CR1: variants seen among roughly 807,000 people sequenced by gnomAD.
CR1 encodes the protein complement receptor type 1.
Under a neutral mutation model 187.3 loss-of-function variants are expected in CR1, and 116 were observed. The observed-to-expected ratio is 0.62, with a 90% CI of 0.53 to 0.72. The LOEUF is 0.72. CR1 is among the 30% of genes least tolerant of loss of function. CR1 has a pLI of 0.00. For missense variants in CR1, 1,731 were observed against 2,110.7 expected, an observed-to-expected ratio of 0.82 and a Z score of 3.52; for synonymous variants, 576 against 747.1, an observed-to-expected ratio of 0.77 and a Z score of 3.73.
chr1:207,601,169 A>G (rs1661593473), intron 35 of CR1, among the ~76,000 whole-genome samples: 1 of 152,090 alleles, frequency 6.6e-6, no homozygotes, highest in African/African-American at 2.4e-5. Context: ...AAACAAACAG[A>G]CTGGGTCAAT....
At chr1:207,505,392 G>A (rs1443458060) in intron 1 of CR1, among the ~76,000 whole-genome samples, 1 of 152,060 alleles carries the variant, frequency 6.6e-6, no homozygotes, top group Non-Finnish European at 1.5e-5. Flanking sequence ...TCAAACTCCT[G>A]ACCTCAAGTG....
Position 207,611,858 on chromosome 1 carries a change from C to T in CR1, c.6472+5C>T, listed in dbSNP as rs1417073889. 5 of 1,613,616 alleles carry T rather than the reference C, an allele frequency of 3.1e-6. No homozygotes were observed. Among genetic ancestry groups the T allele is most frequent in the Admixed American group, 1.7e-5 (1 of 60,002 alleles). On this transcript the variant is annotated splice_donor_5th_base_variant and intron_variant, in intron 38 of 46. Transcript: ENST00000367049. The stretch of plus-strand genomic sequence containing the variant: ...CTGAAGCCCCTAGATGTACAGGTGC[C>T]TTGACTCTCTGGCTTCCAGATTGCT...
rs146922261 is a variant in CR1, at chr1:207,576,422, C to T, written c.4537+742C>T. 1.4e-3 allele frequency among the ~76,000 whole-genome samples: 212 copies of T among 152,264 alleles called. 10 individuals are homozygous for T. In the East Asian group the frequency reaches 0.028, roughly 20 times the overall value. On this transcript the variant is annotated intron_variant, in intron 28 of 46. Transcript: ENST00000367049. ...AATCAGTATCCAGTTCTTTTTATTA[C>T]TTCTGAATCTGTAAGTATCATGTTT...
At chr1:207,602,670 C>A (rs1661638100) in intron 35 of CR1, among the ~76,000 whole-genome samples, 1 of 151,736 alleles carries the variant, frequency 6.6e-6, no homozygotes, top group Admixed American at 6.6e-5. Context: ...AAATGACAGC[C>A]CCCTGTATTT....
intron 27 of CR1, among the ~76,000 whole-genome samples, chr1:207,573,495 AC>A (rs1311152179): frequency 6.6e-6 from 1 of 151,906 alleles, no homozygotes; most frequent in Non-Finnish European, 1.5e-5. Context: ...GAAGCAGAAA[AC>A]CATTGAGCTT....
rs1332301171 is a variant in CR1 at position 207,617,507 on chromosome 1, A to ATATATATATATATATATGTG, written c.6890-563_6890-562insATATATATATATATATGTGT. 2.7e-3 allele frequency among the ~76,000 whole-genome samples: 125 copies of ATATATATATATATATATGTG among 47,006 alleles called. 2 individuals are homozygous for ATATATATATATATATATGTG. Among genetic ancestry groups the ATATATATATATATATATGTG allele is most frequent in the Admixed American group, 4.5e-3 (15 of 3,358 alleles). 30.8% of individuals were successfully genotyped at this position (47,006 alleles called of 152,430 possible). A position where few individuals can be genotyped will look rare whatever the true frequency, so the allele number is the denominator to read the frequency against. ...AGTATATATATATATATATATATAT[A>ATATATATATATATATATGTG]TGTGTGTGTGTGTGTGTGTGTGTGT... On this transcript the variant is annotated intron_variant, in intron 41 of 46. Transcript: ENST00000367049.
At chr1:207,626,473 C>A (rs1446985268) in intron 45 of CR1, among the ~76,000 whole-genome samples, 2 of 152,082 alleles carry the variant, frequency 1.3e-5, no homozygotes, top group Non-Finnish European at 2.9e-5. Flanking sequence ...CACAGAAAGA[C>A]AAGGGCATAA....
chr1:207,575,771 G>A, intron 28 of CR1, 91 bp downstream of exon 28: 1 of 1,581,504 alleles, frequency 6.3e-7, no homozygotes, highest in Non-Finnish European at 8.7e-7. Flanking sequence ...ATCCCTCTTG[G>A]AAATGGTATC....
At chr1:207,508,107 C>G (rs1172866463) in intron 3 of CR1, among the ~76,000 whole-genome samples, 1 of 152,116 alleles carries the variant, frequency 6.6e-6, no homozygotes, top group Non-Finnish European at 1.5e-5. Context: ...ACTATGGAGA[C>G]AGTGAAAATA....
At chr1:207,508,321 G>A (rs1659508216) in intron 3 of CR1, among the ~76,000 whole-genome samples, 1 of 152,200 alleles carries the variant, frequency 6.6e-6, no homozygotes, top group Non-Finnish European at 1.5e-5. Context: ...GTCAGTGTAG[G>A]TTCCTCAATT....
At chr1:207,586,189 G>C (rs1661107258) in intron 33 of CR1, among the ~76,000 whole-genome samples, 1 of 151,882 alleles carries the variant, frequency 6.6e-6, no homozygotes, top group Non-Finnish European at 1.5e-5. Context: ...CCCAGGTGGA[G>C]TAGAGTGGTG....
intron 5 of CR1, among the ~76,000 whole-genome samples, chr1:207,526,003 C>T (rs1051054955): frequency 6.6e-6 from 1 of 152,054 alleles, no homozygotes; most frequent in Non-Finnish European, 1.5e-5. Context: ...TAGTTGAGAT[C>T]CAAATGTGTT....
chr1:207,635,937 C>A (rs550627660), intron 46 of CR1, among the ~76,000 whole-genome samples: 1 of 152,288 alleles, frequency 6.6e-6, no homozygotes, highest in Admixed American at 6.5e-5. Flanking sequence ...TCAGGAAGCA[C>A]AGGGTTGGGG....
At chr1:207,583,054 A>G (rs1661010848) in intron 32 of CR1, among the ~76,000 whole-genome samples, 1 of 152,206 alleles carries the variant, frequency 6.6e-6, no homozygotes, top group South Asian at 2.1e-4. Flanking sequence ...ATCTTCACCT[A>G]GGGAGTGAGT....
chr1:207,618,276 T>G, intron 42 of CR1, 29 bp downstream of exon 42: 1 of 1,603,222 alleles, frequency 6.2e-7, no homozygotes, highest in South Asian at 1.1e-5. Context: ...TTCCTTATTC[T>G]TGCTGGGTTG....
chr1:207,599,859 A>G (rs1472285396), intron 35 of CR1, among the ~76,000 whole-genome samples: 2 of 152,192 alleles, frequency 1.3e-5, no homozygotes, highest in Non-Finnish European at 2.9e-5. Flanking sequence ...CAAAATATAC[A>G]TGGTATACTA....
intron 41 of CR1, among the ~76,000 whole-genome samples, chr1:207,617,606 TATATATAGAGAGAGAGAGAGAGAG>T (rs1193606162): frequency 0.034 from 609 of 18,046 alleles, 9 homozygotes; most frequent in Non-Finnish European, 0.039. Context: ...TATATATATA[TATATATAGAGAGAGAGAGAGAGAG>T]AGAGAGAGAG....
chr1:207,523,623 G>A lies in CR1; in HGVS notation c.500G>A (p.Gly167Glu), dbSNP rs772575230. 74 of 1,613,604 alleles carry A rather than the reference G, an allele frequency of 4.6e-5. No individual in the cohort carries two copies. Among genetic ancestry groups the A allele is most frequent in the Non-Finnish European group, 5.6e-5 (66 of 1,179,866 alleles). ...TTCCTTTTTCCAGGAATTCCTTGTG[G>A]GCTACCCCCCACCATCACCAATGGA... ...ETPICDRIPC[G>E]LPPTITNGDF... is the part of the protein sequence containing the mutation. Residue 167 changes from glycine (G) to glutamate (E), a missense_variant, in exon 5 of 47, where the codon GGG becomes GAG. Physicochemically the swap from Gly to Glu is moderately conservative, Grantham distance 98. Transcript: ENST00000367049.
chr1:207,609,165 A>G (rs1378041673), intron 36 of CR1, 125 bp from the exon 37 acceptor site: 2 of 1,004,146 alleles, frequency 2.0e-6, no homozygotes, highest in African/African-American at 3.3e-5. Flanking sequence ...ATATTTTAAG[A>G]AAATAACAGT....
Sources: allele counts gnomAD v4.1 joint callset (sites outside exome capture counted in the v4.1 genomes callset), GRCh38; gene constraint gnomAD v4.1.1; transcripts MANE v1.5; gene names NCBI Gene and HGNC (gene_info 2026-07-23, HGNC 2026-07-21).